PUM1: variants seen among roughly 807,000 people sequenced by gnomAD.
PUM1 encodes pumilio RNA binding family member 1.
In PUM1, 13 loss-of-function variants were observed where a neutral mutation model predicts 131.8. That is an observed-to-expected ratio of 0.10 (90% CI 0.06 to 0.16). PUM1 has a LOEUF of 0.16. PUM1 is among the 10% of genes least tolerant of loss of function. The pLI is 1.00. For missense variants in PUM1, 961 were observed against 1,512.4 expected (o/e 0.64, Z 6.05); for synonymous variants, 509 against 556.5 (o/e 0.91, Z 1.20).
intron 9 of PUM1, among the ~76,000 whole-genome samples, chr1:30,978,482 A>T (rs1641228878): frequency 6.6e-6 from 1 of 152,220 alleles, no homozygotes; most frequent in Non-Finnish European, 1.5e-5. Flanking sequence ...TATGTTAACT[A>T]TCTTCCCATC....
chr1:31,055,771 C>T (rs1054511042), intron 2 of PUM1, among the ~76,000 whole-genome samples: 1 of 152,140 alleles, frequency 6.6e-6, no homozygotes, highest in Non-Finnish European at 1.5e-5. Context: ...TCAATAAACG[C>T]TTCTTAACTT....
At chr1:30,967,118 G>A (rs919363097) in intron 12 of PUM1, 49 bp downstream of exon 12, 1 of 1,602,552 alleles carries the variant, frequency 6.2e-7, no homozygotes. Flanking sequence ...CTCACTATCA[G>A]TCGCCACTTT....
chr1:31,040,553 T>A (rs1326052350), intron 2 of PUM1, among the ~76,000 whole-genome samples: 1 of 152,094 alleles, frequency 6.6e-6, no homozygotes. Context: ...TTCACAAAAC[T>A]ACAAATACTT....
intron 4 of PUM1, among the ~76,000 whole-genome samples, chr1:31,006,617 T>C (rs551165812): frequency 2.0e-5 from 3 of 152,246 alleles, no homozygotes; most frequent in African/African-American, 7.2e-5. Flanking sequence ...CGTTTAAAGA[T>C]AGATCATTCC....
At chr1:31,064,858 A>C (rs998531414) in intron 1 of PUM1, among the ~76,000 whole-genome samples, 7 of 140,536 alleles carry the variant, frequency 5.0e-5, no homozygotes, top group African/African-American at 1.9e-4. Flanking sequence ...CAAATGATCT[A>C]TGTTTACCAA....
At chr1:30,967,408 G>A in intron 11 of PUM1, 98 bp from the exon 12 acceptor site, 1 of 1,268,880 alleles carries the variant, frequency 7.9e-7, no homozygotes, top group Non-Finnish European at 1.1e-6. Flanking sequence ...CAGCTTTGAG[G>A]TTGAATTGGC....
intron 9 of PUM1, among the ~76,000 whole-genome samples, chr1:30,975,782 T>G (rs1641111238): frequency 6.6e-6 from 1 of 152,082 alleles, no homozygotes; most frequent in African/African-American, 2.4e-5. Context: ...CTTGACTTGT[T>G]ACAGACCTGT....
At chr1:31,014,225 C>A (rs1642725315) in intron 3 of PUM1, among the ~76,000 whole-genome samples, 1 of 148,500 alleles carries the variant, frequency 6.7e-6, no homozygotes, top group Non-Finnish European at 1.5e-5. Context: ...CACCTGAGCC[C>A]AGGAGGTCAA....
At chr1:30,968,535 T>C (rs750149489) in intron 10 of PUM1, 43 bp from the exon 11 acceptor site, 52 of 1,578,132 alleles carry the variant, frequency 3.3e-5, no homozygotes, top group Middle Eastern at 3.4e-4. Flanking sequence ...TTTCTTTTCA[T>C]TGGAGAAGAC....
intron 2 of PUM1, among the ~76,000 whole-genome samples, chr1:31,054,435 T>C (rs1275009048): frequency 6.6e-6 from 1 of 151,720 alleles, no homozygotes; most frequent in East Asian, 1.9e-4. Context: ...CCAATGCTAC[T>C]GGCATCACAG....
intron 13 of PUM1, 124 bp from the exon 14 acceptor site, chr1:30,965,034 C>A: frequency 1.4e-6 from 1 of 720,130 alleles, no homozygotes. Context: ...GCAGAGACAG[C>A]CTAACTGTTA....
At chr1:31,049,232 T>C (rs909564644) in intron 2 of PUM1, among the ~76,000 whole-genome samples, 9 of 144,550 alleles carry the variant, frequency 6.2e-5, no homozygotes, top group African/African-American at 2.1e-4. Context: ...ACTACAAAAA[T>C]TGGCTGGGGG....
intron 9 of PUM1, among the ~76,000 whole-genome samples, chr1:30,975,347 G>GT (rs570387016): frequency 0.019 from 2,372 of 121,798 alleles, 72 homozygotes; most frequent in African/African-American, 0.065. Flanking sequence ...GTTACTGTTT[G>GT]TTTTTTTTGT....
At chr1:31,065,432 G>A (rs759865327) in intron 1 of PUM1, among the ~76,000 whole-genome samples, 184 bp downstream of exon 1, 3 of 151,498 alleles carry the variant, frequency 2.0e-5, no homozygotes, top group South Asian at 2.1e-4. Context: ...AACAATAGGG[G>A]CCTTGCTGCT....
intron 2 of PUM1, among the ~76,000 whole-genome samples, chr1:31,050,120 T>C (rs967653368): frequency 2.0e-5 from 3 of 152,026 alleles, no homozygotes; most frequent in South Asian, 4.2e-4. Flanking sequence ...CGTGAGCCAA[T>C]TGCAACCAGC....
At chr1:31,018,454 G>C (rs920482095) in intron 3 of PUM1, among the ~76,000 whole-genome samples, 2 of 152,046 alleles carry the variant, frequency 1.3e-5, no homozygotes, top group African/African-American at 4.8e-5. Flanking sequence ...TCAGGAGTTC[G>C]AGACCCAGCC....
intron 2 of PUM1, among the ~76,000 whole-genome samples, chr1:31,055,079 TATC>T (rs772653100): frequency 3.9e-5 from 6 of 152,220 alleles, no homozygotes; most frequent in Non-Finnish European, 7.3e-5. Context: ...ATATTTCCGT[TATC>T]ATCAGTGGTT....
At chr1:30,983,738 C>A (rs1275398051) in intron 7 of PUM1, among the ~76,000 whole-genome samples, 1 of 150,644 alleles carries the variant, frequency 6.6e-6, no homozygotes, top group African/African-American at 2.4e-5. Flanking sequence ...CAAGTAGCTG[C>A]GCATGTCACC....
intron 8 of PUM1, among the ~76,000 whole-genome samples, chr1:30,980,754 T>A (rs1641324651): frequency 6.6e-6 from 1 of 152,142 alleles, no homozygotes; most frequent in Non-Finnish European, 1.5e-5. Flanking sequence ...TGTTTATACT[T>A]AATGCACTCT....
Sources: allele counts gnomAD v4.1 joint callset (sites outside exome capture counted in the v4.1 genomes callset), GRCh38; gene constraint gnomAD v4.1.1; transcripts MANE v1.5; gene names NCBI Gene and HGNC (gene_info 2026-07-23, HGNC 2026-07-21).